The following CAPSL variants were observed in gnomAD, a reference collection of about 807,000 sequenced individuals.
CAPSL encodes calcyphosine like.
Under a neutral mutation model 21.3 loss-of-function variants are expected in CAPSL, and 17 were observed. The observed-to-expected ratio is 0.80, with a 90% CI of 0.55 to 1.20. The LOEUF (loss-of-function observed/expected upper bound fraction) is 1.20. CAPSL is among the 50% of genes most tolerant of loss of function. CAPSL has a pLI of 0.00. For synonymous variants in CAPSL, 102 were observed against 89.3 expected, an observed-to-expected ratio of 1.14 and a Z score of -0.80; for missense variants, 289 against 259.3, an observed-to-expected ratio of 1.11 and a Z score of -0.79.
intron 1 of CAPSL, 96 bp from the exon 2 acceptor site, chr5:35,921,216 A>C: frequency 7.0e-7 from 1 of 1,421,880 alleles, no homozygotes; most frequent in Non-Finnish European, 9.5e-7. Context: ...GGAAATTTAC[A>C]GCCTTCTCTG....
rs149715668 is a variant in CAPSL at position 35,925,164 on chromosome 5, A to T, written c.1-4044T>A. Among the ~76,000 whole-genome samples the T allele has an allele frequency of 1.0e-3, 159 of 152,352 alleles. 2 individuals carry two copies. In the East Asian group the frequency reaches 0.027, roughly 26 times the overall value. On this transcript the variant is annotated intron_variant, in intron 1 of 4. Transcript: ENST00000651391. ...CTGCCTTCCACACAGGTCTGCTAAG[A>T]GCTCAGGAAGCGCCATGCACTGTGC... is the stretch of plus-strand genomic sequence containing the variant.
chr5:35,912,996 T>G (rs536333737), intron 2 of CAPSL, among the ~76,000 whole-genome samples: 2 of 151,970 alleles, frequency 1.3e-5, no homozygotes, highest in Non-Finnish European at 2.9e-5. Flanking sequence ...AGAAAACCAC[T>G]GCAGAGAAGT....
intron 2 of CAPSL, 115 bp downstream of exon 2, chr5:35,920,869 G>T: frequency 9.5e-7 from 1 of 1,054,436 alleles, no homozygotes; most frequent in Non-Finnish European, 1.4e-6. Flanking sequence ...TACAAATAAG[G>T]AACTGAGCCC....
chr5:35,930,662 C>G (rs752532458), intron 1 of CAPSL, among the ~76,000 whole-genome samples: 6 of 152,320 alleles, frequency 3.9e-5, no homozygotes, highest in Admixed American at 6.5e-5. Context: ...ATGTGCCATA[C>G]AAGAGGAACG....
chr5:35,936,113 G>C (rs1262698045), intron 1 of CAPSL, among the ~76,000 whole-genome samples: 1 of 148,990 alleles, frequency 6.7e-6, no homozygotes, highest in Non-Finnish European at 1.5e-5. Flanking sequence ...ACCTTGCCTT[G>C]AAAGACCCAG....
At chr5:35,928,523 A>T (rs1438978751) in intron 1 of CAPSL, among the ~76,000 whole-genome samples, 2 of 152,140 alleles carry the variant, frequency 1.3e-5, no homozygotes, top group African/African-American at 4.8e-5. Flanking sequence ...GTTTGAATCA[A>T]CTGAATGTGC....
At chr5:35,917,714 T>G (rs1051656849) in intron 2 of CAPSL, among the ~76,000 whole-genome samples, 5 of 152,050 alleles carry the variant, frequency 3.3e-5, no homozygotes, top group Non-Finnish European at 7.3e-5. Context: ...CGGTGCCTGT[T>G]GTGGGGTGAA....
Position 35,921,135 on chromosome 5 carries a change from T to C in CAPSL, c.1-15A>G, listed in dbSNP as rs1251135621. 2 of 1,613,034 alleles carry C rather than the reference T, an allele frequency of 1.2e-6. No homozygotes were observed. Among genetic ancestry groups the C allele is most frequent in the Middle Eastern group, 1.7e-4 (1 of 6,046 alleles). Reference sequence around the variant, plus strand: ...GTCCCTGCCATCTGAGGGGAAGCCATAGCATGTTAGCAAAGTCCAGGCCTC... The same window carrying C: ...GTCCCTGCCATCTGAGGGGAAGCCACAGCATGTTAGCAAAGTCCAGGCCTC... On this transcript the variant is annotated splice_polypyrimidine_tract_variant and intron_variant, in intron 1 of 4. Coordinates refer to ENST00000651391, the MANE Select transcript of CAPSL (RefSeq NM_001042625.2).
chr5:35,910,998 G>A (rs1165082551), intron 2 of CAPSL, among the ~76,000 whole-genome samples: 1 of 152,230 alleles, frequency 6.6e-6, no homozygotes, highest in East Asian at 1.9e-4. Flanking sequence ...ATGTGGCTAT[G>A]TTAGGGATAT....
At chr5:35,918,370 A>G in intron 2 of CAPSL, among the ~76,000 whole-genome samples, 1 of 152,230 alleles carries the variant, frequency 6.6e-6, no homozygotes, top group East Asian at 1.9e-4. Flanking sequence ...AGAAAACTAA[A>G]CATCGCATGA....
chr5:35,937,724 A>AT (rs1367125899), intron 1 of CAPSL, among the ~76,000 whole-genome samples: 2 of 152,118 alleles, frequency 1.3e-5, no homozygotes, highest in Non-Finnish European at 2.9e-5. Flanking sequence ...CTATTGGGTA[A>AT]TTTTTATCAG....
chr5:35,929,512 C>T (rs890419274), intron 1 of CAPSL, among the ~76,000 whole-genome samples: 3 of 152,010 alleles, frequency 2.0e-5, no homozygotes, highest in Non-Finnish European at 4.4e-5. Context: ...AGGCTGGTCT[C>T]GAACTCCTGA....
intron 2 of CAPSL, among the ~76,000 whole-genome samples, chr5:35,913,351 C>G (rs1199322084): frequency 6.6e-6 from 1 of 152,102 alleles, no homozygotes; most frequent in East Asian, 1.9e-4. Context: ...TCAGGAAATA[C>G]AGAGAATGCC....
chr5:35,932,893 C>G (rs1299994401), intron 1 of CAPSL, among the ~76,000 whole-genome samples: 1 of 152,188 alleles, frequency 6.6e-6, no homozygotes, highest in Admixed American at 6.5e-5. Flanking sequence ...GAAGGATGCC[C>G]TCAGTGCAGG....
At chr5:35,931,473 G>A (rs534764970) in intron 1 of CAPSL, among the ~76,000 whole-genome samples, 45 of 152,008 alleles carry the variant, frequency 3.0e-4, no homozygotes, top group Non-Finnish European at 5.7e-4. Flanking sequence ...AAAATACAGA[G>A]GCCCCAAGGT....
Position 35,910,952 on chromosome 5 carries a change from T to TA in CAPSL, c.138-410dup, listed in dbSNP as rs1477166177. Among the ~76,000 whole-genome samples the TA allele has an allele frequency of 2.7e-4, 41 of 152,294 alleles. 1 individual carries two copies. The highest frequency in any genetic ancestry group is 3.5e-4 in the Non-Finnish European group (24 of 68,030). On this transcript the variant is annotated intron_variant, in intron 2 of 4. Transcript: ENST00000651391. ...TGTAAACCTTAATGCATATCAATTT[T>TA]AAAAAAATGATTTAGGAAGTCAGAA...
intron 2 of CAPSL, among the ~76,000 whole-genome samples, chr5:35,917,640 C>T (rs546861750): frequency 7.9e-5 from 12 of 152,234 alleles, no homozygotes; most frequent in Non-Finnish European, 1.0e-4. Flanking sequence ...ACCGCATGTT[C>T]GCACTCATAG....
At chr5:35,935,287 C>T (rs140513246) in intron 1 of CAPSL, among the ~76,000 whole-genome samples, 18 of 152,092 alleles carry the variant, frequency 1.2e-4, no homozygotes, top group African/African-American at 3.4e-4. Context: ...TTTGTTGTCT[C>T]GGCATTCCCT....
intron 2 of CAPSL, among the ~76,000 whole-genome samples, chr5:35,918,070 C>T (rs111328847): frequency 0.017 from 2,514 of 152,216 alleles, 62 homozygotes; most frequent in African/African-American, 0.048. Context: ...GGATGGAGAA[C>T]CACAAATACC....
Sources: allele counts gnomAD v4.1 joint callset (sites outside exome capture counted in the v4.1 genomes callset), GRCh38; gene constraint gnomAD v4.1.1; transcripts MANE v1.5; gene names NCBI Gene and HGNC (gene_info 2026-07-23, HGNC 2026-07-21).